FLT1: variants seen among roughly 807,000 people sequenced by gnomAD.
FLT1 encodes vascular endothelial growth factor receptor 1.
In FLT1, 49 loss-of-function variants were observed where a neutral mutation model predicts 156.3. The ratio of observed to expected loss-of-function variants is 0.31; its 90% CI spans 0.25 to 0.40. The LOEUF (loss-of-function observed/expected upper bound fraction) is 0.40. Among genes scored for constraint, FLT1 ranks in the 10% least tolerant of loss-of-function variants. FLT1 has a pLI of 1.00. For synonymous variants in FLT1, 594 were observed against 583.8 expected, an observed-to-expected ratio of 1.02 and a Z score of -0.25; for missense variants, 1,322 against 1,637.2, an observed-to-expected ratio of 0.81 and a Z score of 3.32.
intron 13 of FLT1, chr13:28,385,647 T>C: frequency 9.8e-7 from 1 of 1,015,552 alleles, no homozygotes; most frequent in Non-Finnish European, 1.2e-6. Context: ...AGGCACAGAT[T>C]TGTAGTTTTT....
At chr13:28,342,564 G>T in intron 16 of FLT1, among the ~76,000 whole-genome samples, 1 of 152,038 alleles carries the variant, frequency 6.6e-6, no homozygotes, top group Admixed American at 6.6e-5. Context: ...TTACCATAGA[G>T]GATGGCTGCT....
At chr13:28,395,216 T>C (rs1874974467) in intron 12 of FLT1, among the ~76,000 whole-genome samples, 1 of 152,238 alleles carries the variant, frequency 6.6e-6, no homozygotes, top group African/African-American at 2.4e-5. Flanking sequence ...GATGTAGAAC[T>C]TGTCAGTAGT....
At chr13:28,402,812 C>T (rs992777675) in intron 11 of FLT1, among the ~76,000 whole-genome samples, 1 of 152,050 alleles carries the variant, frequency 6.6e-6, no homozygotes, top group African/African-American at 2.4e-5. Flanking sequence ...CTTTTTGAGA[C>T]AGAGTCTCAC....
At position 28,473,777 on chromosome 13, in the gene FLT1, GGAAAGAAAGAAAGAAA is replaced by G. The variant is rs1224855124; in HGVS notation, c.65-6176_65-6161del. ...AGGAAGGAAGGAAGGAAGGAAGGAA[GGAAAGAAAGAAAGAAA>G]GAAAGAAAGAAAGAAAGAAAGAAAG... On this transcript the variant is annotated intron_variant, in intron 1 of 29. Transcript: ENST00000282397. Among the ~76,000 whole-genome samples the G allele has an allele frequency of 5.2e-3, 333 of 63,626 alleles. 5 individuals are homozygous for G. The highest frequency in any genetic ancestry group is 8.3e-3 in the Admixed American group (51 of 6,114). The allele number at this position is 63,626 out of a possible 152,430, so 41.7% of individuals were successfully genotyped here. A position where few individuals can be genotyped will look rare whatever the true frequency, so the allele number is the denominator to read the frequency against.
intron 1 of FLT1, among the ~76,000 whole-genome samples, chr13:28,489,166 G>C (rs754493761): frequency 2.6e-5 from 4 of 152,182 alleles, no homozygotes; most frequent in Non-Finnish European, 5.9e-5. Context: ...GCTCACTGAA[G>C]AGGACAAATA....
At chr13:28,432,081 T>G (rs1270491814) in intron 6 of FLT1, among the ~76,000 whole-genome samples, 1 of 152,140 alleles carries the variant, frequency 6.6e-6, no homozygotes, top group Non-Finnish European at 1.5e-5. Context: ...TGCTCACTGT[T>G]TTGAGAAGAC....
intron 1 of FLT1, among the ~76,000 whole-genome samples, chr13:28,473,729 A>AGAAAGAAAGAAAGAAG (rs1566050283): frequency 1.2e-5 from 1 of 84,256 alleles, no homozygotes; most frequent in South Asian, 5.0e-4. Context: ...AAAGAAAGAA[A>AGAAAGAAAGAAAGAAG]GAAGGAAGGA....
chr13:28,443,714 C>T (rs970477860), intron 3 of FLT1, among the ~76,000 whole-genome samples: 6 of 152,196 alleles, frequency 3.9e-5, no homozygotes, highest in Admixed American at 2.6e-4. Context: ...GTTTTCACAT[C>T]ACACAGATCT....
chr13:28,465,009 C>T (rs1320923635), intron 3 of FLT1, among the ~76,000 whole-genome samples: 4 of 152,170 alleles, frequency 2.6e-5, no homozygotes, highest in African/African-American at 9.7e-5. Flanking sequence ...TTTCCTTTCT[C>T]CACAGATGTC....
chr13:28,480,856 G>A (rs1243756514), intron 1 of FLT1, among the ~76,000 whole-genome samples: 1 of 152,160 alleles, frequency 6.6e-6, no homozygotes, highest in Non-Finnish European at 1.5e-5. Context: ...CCCAGGTCAC[G>A]TTGTGCTTGT....
rs867241812 is a variant in FLT1, at chr13:28,319,468, C to T, written c.3241G>A (p.Asp1081Asn). 8 of 1,613,912 alleles carry T rather than the reference C, an allele frequency of 5.0e-6. No homozygotes were observed. The highest frequency in any genetic ancestry group is 1.7e-5 in the Admixed American group (1 of 59,996). The change falls in exon 24 of 30, where the codon GAC becomes AAC. Residue 1081 changes from aspartate (D) to asparagine (N), a missense_variant. Around this residue, in one of 3 missense-constraint regions of FLT1, gnomAD observed 329 missense variants for 366.2 expected, o/e 0.90. Coordinates refer to ENST00000282397, the MANE Select transcript of FLT1 (RefSeq NM_002019.4). ...AGCAATACTCCGTAAGACCACACGT[C>T]GCTCTTGGTGCTGTAGATTTTGTCA... ...IFDKIYSTKS[D>N]VWSYGVLLWE... is the part of the protein sequence containing the mutation.
At chr13:28,366,410 A>C (rs1427693434) in intron 14 of FLT1, among the ~76,000 whole-genome samples, 2 of 151,818 alleles carry the variant, frequency 1.3e-5, no homozygotes, top group Non-Finnish European at 2.9e-5. Flanking sequence ...GGTTCCCTTG[A>C]TGCCTGGTTA....
intron 12 of FLT1, among the ~76,000 whole-genome samples, chr13:28,390,728 T>C (rs57582270): frequency 0.12 from 18,506 of 152,152 alleles, 1,641 homozygotes; most frequent in Admixed American, 0.22. Context: ...ATGTACAGTA[T>C]TCCTACTGGC....
chr13:28,410,069 C>T (rs1286128617), intron 10 of FLT1, among the ~76,000 whole-genome samples: 3 of 152,220 alleles, frequency 2.0e-5, no homozygotes, highest in African/African-American at 7.2e-5. Flanking sequence ...CTTTACAAAT[C>T]CAACACTCAA....
rs866767220 is a variant in FLT1, at chr13:28,436,253, G to C, written c.513+1968C>G. 1.2e-4 allele frequency among the ~76,000 whole-genome samples: 18 copies of C among 152,360 alleles called. 1 individual carries two copies. The Middle Eastern group carries it at 0.017, about 144-fold the overall frequency. On this transcript the variant is annotated intron_variant, in intron 4 of 29. Transcript: ENST00000282397. ...CAGCCTCGAAAGGAAGCCCTGGGCA[G>C]CAAGGCCTGTCTGCAGCTGACCATG...
intron 29 of FLT1, among the ~76,000 whole-genome samples, chr13:28,303,659 A>G (rs1211136034): frequency 1.3e-5 from 2 of 152,070 alleles, no homozygotes; most frequent in Non-Finnish European, 2.9e-5. Flanking sequence ...TAACTCCAAG[A>G]CTTGGGTGCA....
At chr13:28,329,885 T>A (rs929561234) in intron 18 of FLT1, among the ~76,000 whole-genome samples, 157 bp from the exon 19 acceptor site, 1 of 152,236 alleles carries the variant, frequency 6.6e-6, no homozygotes, top group African/African-American at 2.4e-5. Context: ...ACTGTTTTCA[T>A]TACTCCCACC....
intron 14 of FLT1, among the ~76,000 whole-genome samples, chr13:28,365,539 A>G (rs560608142): frequency 6.6e-6 from 1 of 152,162 alleles, no homozygotes; most frequent in East Asian, 1.9e-4. Flanking sequence ...TTTAGTAGAG[A>G]TGGGGTTCCA....
At chr13:28,460,267 C>T (rs1258376531) in intron 3 of FLT1, among the ~76,000 whole-genome samples, 1 of 152,242 alleles carries the variant, frequency 6.6e-6, no homozygotes, top group Non-Finnish European at 1.5e-5. Context: ...CCTCTTCACT[C>T]CTTAGAGACC....
Sources: allele counts gnomAD v4.1 joint callset (sites outside exome capture counted in the v4.1 genomes callset), GRCh38; gene constraint gnomAD v4.1.1; regional missense constraint gnomAD v4.1.1; transcripts MANE v1.5; gene names NCBI Gene and HGNC (gene_info 2026-07-23, HGNC 2026-07-21).